Variants in ZIM2 observed in about 807,000 individuals in gnomAD.
ZIM2 encodes zinc finger imprinted 2.
In ZIM2, 14 loss-of-function variants were observed where a neutral mutation model predicts 38.6. That is an observed-to-expected ratio of 0.36 (90% confidence interval 0.24 to 0.57). ZIM2 has a LOEUF of 0.57. ZIM2 is among the 20% of genes least tolerant of loss of function. ZIM2 has a pLI of 0.81. For synonymous variants in ZIM2, 247 were observed against 245.8 expected (o/e 1.00, Z -0.04); for missense variants, 680 against 695.1 (o/e 0.98, Z 0.24).
At chr19:56,835,976 C>A (rs2062060531) in intron 2 of ZIM2, 42 bp downstream of exon 2, 3 of 500,648 alleles carry the variant, frequency 6.0e-6, no homozygotes, top group South Asian at 2.9e-5. Flanking sequence ...GGTGGTCACT[C>A]CAAAGATGAA....
At chr19:56,776,839 G>A (rs2046037183) in intron 12 of ZIM2, among the ~76,000 whole-genome samples, 1 of 152,046 alleles carries the variant, frequency 6.6e-6, no homozygotes, top group Non-Finnish European at 1.5e-5. Context: ...GAAGGGGGGC[G>A]AGTTTATATA....
At chr19:56,801,314 C>T (rs2047515521) in intron 9 of ZIM2, among the ~76,000 whole-genome samples, 3 of 152,150 alleles carry the variant, frequency 2.0e-5, no homozygotes, top group Admixed American at 6.5e-5. Flanking sequence ...ACCTATAGCT[C>T]CCTTATCCTC....
chr19:56,816,225 T>C (rs1291291873), intron 9 of ZIM2: 2 of 1,614,036 alleles, frequency 1.2e-6, no homozygotes, highest in Non-Finnish European at 8.5e-7. Context: ...TTTCAAGAGG[T>C]CTTGTTATAG....
At chr19:56,777,018 G>T (rs1046554831) in intron 12 of ZIM2, among the ~76,000 whole-genome samples, 1 of 152,198 alleles carries the variant, frequency 6.6e-6, no homozygotes, top group Non-Finnish European at 1.5e-5. Flanking sequence ...CTTGACGGAG[G>T]TAAGAAGCTG....
At chr19:56,819,033 T>G (rs911748008) in intron 7 of ZIM2, among the ~76,000 whole-genome samples, 1 of 152,188 alleles carries the variant, frequency 6.6e-6, no homozygotes, top group African/African-American at 2.4e-5. Flanking sequence ...AAACGGGTTT[T>G]GTAGAGGGAC....
chr19:56,784,814 A>G (rs973431842), intron 10 of ZIM2, among the ~76,000 whole-genome samples: 4 of 152,212 alleles, frequency 2.6e-5, no homozygotes, highest in Non-Finnish European at 5.9e-5. Flanking sequence ...AATAAAACAC[A>G]TAAGATCCCT....
Position 56,774,992 on chromosome 19 carries a change from A to AG in ZIM2, c.1372dup (p.Leu458ProfsTer9), listed in dbSNP as rs764125845. 2 of 1,614,220 alleles carry AG rather than the reference A, an allele frequency of 1.2e-6. No homozygotes were observed. The highest frequency in any genetic ancestry group is 3.3e-5 in the Admixed American group (2 of 60,024). ...CTCATGGGCTTTGAGATGTTGAAGA[A>AG]GATGCACATTCTGGAGAAAAGCTTT... On this transcript the variant is annotated frameshift_variant, in exon 13 of 13. Coordinates refer to ENST00000629319, the MANE Select transcript of ZIM2 (RefSeq NM_001387356.1). LOFTEE classifies it low-confidence loss of function (END_TRUNC).
intron 10 of ZIM2, among the ~76,000 whole-genome samples, chr19:56,788,206 A>C (rs2046731805): frequency 6.6e-6 from 1 of 151,708 alleles, no homozygotes; most frequent in Admixed American, 6.6e-5. Flanking sequence ...TTAGGGTGTC[A>C]ATTTTAGATC....
chr19:56,788,606 A>C (rs1028762117), intron 10 of ZIM2, among the ~76,000 whole-genome samples: 1 of 152,038 alleles, frequency 6.6e-6, no homozygotes, highest in Non-Finnish European at 1.5e-5. Context: ...ACCTTGGTGA[A>C]TCTGATGATT....
intron 2 of ZIM2, among the ~76,000 whole-genome samples, chr19:56,834,019 G>A (rs991526559): frequency 6.6e-6 from 1 of 152,152 alleles, no homozygotes; most frequent in African/African-American, 2.4e-5. Flanking sequence ...AGAAAGAGAG[G>A]AAATAATATC....
At chr19:56,804,494 G>A (rs1280402767) in intron 9 of ZIM2, among the ~76,000 whole-genome samples, 2 of 152,178 alleles carry the variant, frequency 1.3e-5, no homozygotes, top group Non-Finnish European at 2.9e-5. Context: ...TAGGTGTAGC[G>A]ATTTCTGTCA....
chr19:56,782,736 G>T (rs1391391723), intron 10 of ZIM2, among the ~76,000 whole-genome samples: 1 of 151,688 alleles, frequency 6.6e-6, no homozygotes, highest in Non-Finnish European at 1.5e-5. Context: ...AATTTTTGTG[G>T]GTACATAGTA....
chr19:56,780,132 A>G (rs1455729755), intron 11 of ZIM2, among the ~76,000 whole-genome samples: 1 of 150,816 alleles, frequency 6.6e-6, no homozygotes, highest in African/African-American at 2.4e-5. Context: ...TTAATGAATG[A>G]CCCTTGCATT....
rs1420760015 is a variant in ZIM2, at chr19:56,817,846, C to G, written c.398-8G>C. The stretch of plus-strand genomic sequence containing the variant: ...CTTCAGCAAGCTGCACTCCTGGTCA[C>G]AAGGACAATATGATGCCTCAAATTC... On this transcript the variant is annotated splice_region_variant and splice_polypyrimidine_tract_variant and intron_variant, in intron 8 of 12. Coordinates refer to ENST00000629319, the MANE Select transcript of ZIM2 (RefSeq NM_001387356.1). 1 of 1,611,432 alleles carries G rather than the reference C, an allele frequency of 6.2e-7. No homozygotes were observed. The highest frequency in any genetic ancestry group is 8.5e-7 in the Non-Finnish European group (1 of 1,178,044).
chr19:56,823,876 T>G (rs963337006), intron 4 of ZIM2, among the ~76,000 whole-genome samples, 197 bp from the exon 5 acceptor site: 1 of 152,126 alleles, frequency 6.6e-6, no homozygotes, highest in Non-Finnish European at 1.5e-5. Flanking sequence ...GGGAGCATGG[T>G]GGCTGTGACC....
intron 10 of ZIM2, among the ~76,000 whole-genome samples, chr19:56,786,745 A>G (rs1568571094): frequency 6.6e-6 from 1 of 152,120 alleles, no homozygotes. Flanking sequence ...TCATTCATGG[A>G]TAGTGTGTTG....
intron 10 of ZIM2, among the ~76,000 whole-genome samples, chr19:56,787,145 ATTT>A (rs2061303144): frequency 6.6e-6 from 1 of 152,106 alleles, no homozygotes; most frequent in Non-Finnish European, 1.5e-5. Context: ...CTGTACTGTT[ATTT>A]AATTTCATTG....
intron 7 of ZIM2, among the ~76,000 whole-genome samples, chr19:56,820,573 A>G (rs1290588046): frequency 6.6e-5 from 10 of 152,096 alleles, no homozygotes; most frequent in Non-Finnish European, 1.3e-4. Flanking sequence ...AGCTCTCCCT[A>G]ATGCCTGGGG....
intron 9 of ZIM2, chr19:56,817,443 C>A (rs773557537): frequency 1.1e-5 from 17 of 1,614,102 alleles, no homozygotes; most frequent in Non-Finnish European, 1.4e-5. Context: ...GGTCGCTTGA[C>A]TCCCTTGCTC....
Sources: allele counts gnomAD v4.1 joint callset (sites outside exome capture counted in the v4.1 genomes callset), GRCh38; gene constraint gnomAD v4.1.1; transcripts MANE v1.5; gene names NCBI Gene and HGNC (gene_info 2026-07-23, HGNC 2026-07-21).